PAK3: variants seen among roughly 807,000 people sequenced by gnomAD.
The protein encoded by PAK3 is p21 (RAC1) activated kinase 3.
Under a neutral mutation model 41.0 loss-of-function variants are expected in PAK3, and 4 were observed. That is an observed-to-expected ratio of 0.10 (90% confidence interval 0.05 to 0.22). The LOEUF is 0.22. PAK3 is among the 10% of genes least tolerant of loss of function. PAK3 has a pLI of 1.00. For synonymous variants in PAK3, 146 were observed against 139.6 expected (o/e 1.05, Z -0.32); for missense variants, 205 against 409.9 (o/e 0.50, Z 4.32).
chrX:110,980,462 A>G (rs1044746766), intron 1 of PAK3, among the ~76,000 whole-genome samples: 3 of 111,986 alleles, frequency 2.7e-5, no homozygotes, highest in Non-Finnish European at 5.6e-5. Flanking sequence ...TTTAAGGTCC[A>G]TTCCAAATTC....
intron 16 of PAK3, among the ~76,000 whole-genome samples, chrX:111,208,073 C>T (rs1172678536): frequency 2.7e-5 from 3 of 112,428 alleles, no homozygotes; most frequent in Non-Finnish European, 5.6e-5. Context: ...GGGTTACAGG[C>T]GTGAGCCACC....
intron 1 of PAK3, among the ~76,000 whole-genome samples, chrX:111,070,248 AT>A (rs1307334611): frequency 8.6e-4 from 4 of 4,674 alleles, no homozygotes; most frequent in African/African-American, 9.3e-4. Context: ...GATCATTTAT[AT>A]GGACAACAGC....
At chrX:111,215,735 G>T (rs953516824) in intron 16 of PAK3, among the ~76,000 whole-genome samples, 4 of 111,761 alleles carry the variant, frequency 3.6e-5, no homozygotes, top group South Asian at 7.5e-4. Flanking sequence ...ATGATAATTG[G>T]CAGGTGCCAA....
intron 1 of PAK3, among the ~76,000 whole-genome samples, chrX:111,087,095 C>T (rs764383729): frequency 1.2e-3 from 130 of 106,736 alleles, no homozygotes; most frequent in African/African-American, 4.4e-3. Context: ...TGTCAGAATT[C>T]GTTAAATTTT....
intron 1 of PAK3, among the ~76,000 whole-genome samples, chrX:111,090,212 G>A (rs1028267032): frequency 5.4e-5 from 6 of 110,707 alleles, no homozygotes; most frequent in Non-Finnish European, 7.6e-5. Flanking sequence ...TCTTTTCCCC[G>A]GACCATGCCC....
At chrX:111,054,081 C>T (rs933693409) in intron 1 of PAK3, among the ~76,000 whole-genome samples, 6 of 111,794 alleles carry the variant, frequency 5.4e-5, no homozygotes, top group African/African-American at 1.3e-4. Flanking sequence ...TCCAATACAA[C>T]GAAGCAGGCC....
chrX:111,062,938 T>G lies in PAK3; in HGVS notation c.-27-60139T>G, dbSNP rs143813061. 1.7e-3 allele frequency among the ~76,000 whole-genome samples: 190 copies of G among 109,722 alleles called. 2 individuals carry two copies. Among genetic ancestry groups the G allele is most frequent in the African/African-American group, 6.1e-3 (183 of 30,057 alleles). On this transcript the variant is annotated intron_variant, in intron 1 of 14. Transcript: ENST00000425146. Reference sequence around the variant, plus strand: ...GCCACTACCTAGAGTTGAATAGCTTTCCCCTTTCCATGCTATACTGTCAGC... The same window carrying G: ...GCCACTACCTAGAGTTGAATAGCTTGCCCCTTTCCATGCTATACTGTCAGC...
intron 1 of PAK3, among the ~76,000 whole-genome samples, chrX:111,030,757 G>C (rs2092330808): frequency 9.0e-6 from 1 of 110,916 alleles, no homozygotes; most frequent in South Asian, 3.9e-4. Flanking sequence ...AGGTAGACCT[G>C]CCTCAAGACA....
rs780827222 is a variant in PAK3 at position 111,154,483 on chromosome X, G to A, written c.468+2036G>A. Among the ~76,000 whole-genome samples, 14 of 111,288 alleles carry A rather than the reference G, an allele frequency of 1.3e-4. No homozygotes were observed. The South Asian group carries it at 4.9e-3, about 39-fold the overall frequency. On this transcript the variant is annotated intron_variant, in intron 8 of 17. Transcript: ENST00000372007. ...AGTACTTACCTCCTACGTCTTGTGT[G>A]AATATTAAATGTGATAATGTACATA...
intron 1 of PAK3, among the ~76,000 whole-genome samples, chrX:110,990,152 T>C (rs2091617034): frequency 9.0e-6 from 1 of 111,731 alleles, no homozygotes; most frequent in African/African-American, 3.3e-5. Context: ...TTCTCAGATA[T>C]GTGACCTGAG....
intron 1 of PAK3, among the ~76,000 whole-genome samples, chrX:110,994,791 G>C (rs56022318): frequency 0.032 from 3,519 of 110,965 alleles, 149 homozygotes; most frequent in African/African-American, 0.11. Flanking sequence ...ATCCTTTCTG[G>C]GCCTAGTTAT....
intron 1 of PAK3, among the ~76,000 whole-genome samples, chrX:111,014,078 C>G (rs1227105276): frequency 8.9e-6 from 1 of 112,206 alleles, no homozygotes; most frequent in Non-Finnish European, 1.9e-5. Context: ...CCTTTGCTAA[C>G]CACTCCCACT....
chrX:111,161,054 A>G (rs925668889), intron 8 of PAK3, among the ~76,000 whole-genome samples: 2 of 111,497 alleles, frequency 1.8e-5, no homozygotes, highest in Non-Finnish European at 3.8e-5. Flanking sequence ...GACTTCCACA[A>G]TGGTTGAACT....
At chrX:111,132,907 G>A (rs751559186) in intron 5 of PAK3, among the ~76,000 whole-genome samples, 2 of 110,934 alleles carry the variant, frequency 1.8e-5, no homozygotes, top group South Asian at 3.9e-4. Flanking sequence ...CACACACGCC[G>A]AGTTTGTGGG....
chrX:111,149,404 G>A (rs1055461716), intron 7 of PAK3, among the ~76,000 whole-genome samples: 2 of 112,155 alleles, frequency 1.8e-5, no homozygotes, highest in African/African-American at 6.5e-5. Context: ...CCCTAGTAGG[G>A]ACTCTGTGTG....
intron 1 of PAK3, among the ~76,000 whole-genome samples, chrX:111,056,399 T>C (rs746290691): frequency 8.9e-6 from 1 of 111,948 alleles, no homozygotes. Flanking sequence ...GATAAATATT[T>C]GCTTAAAAAA....
intron 11 of PAK3, among the ~76,000 whole-genome samples, 182 bp downstream of exon 11, chrX:111,173,263 C>T (rs2094367185): frequency 9.0e-6 from 1 of 111,371 alleles, no homozygotes; most frequent in African/African-American, 3.3e-5. Flanking sequence ...CAACATTAAC[C>T]TAGGAACACA....
At chrX:111,120,710 GT>G (rs2093554936) in intron 4 of PAK3, among the ~76,000 whole-genome samples, 1 of 111,582 alleles carries the variant, frequency 9.0e-6, no homozygotes. Context: ...TTAGAAATTT[GT>G]CTTCTAGGTA....
At chrX:111,169,228 C>A in intron 10 of PAK3, 1 of 240,722 alleles carries the variant, frequency 4.2e-6, no homozygotes, top group Non-Finnish European at 7.7e-6. Context: ...TATCAAATAC[C>A]ATACACACAC....
Sources: gnomAD v4.1 joint callset for allele counts (sites outside exome capture counted in the v4.1 genomes callset) on GRCh38, gnomAD v4.1.1 for gene constraint, MANE v1.5 for transcripts, NCBI Gene and HGNC (gene_info 2026-07-23, HGNC 2026-07-21) for gene names.